Variants in KCNG1 observed in about 807,000 individuals in gnomAD.
The protein encoded by KCNG1 is voltage-gated potassium channel regulatory subunit KCNG1.
A neutral mutation model predicts 32.4 loss-of-function variants in KCNG1; 17 were observed. The ratio of observed to expected loss-of-function variants is 0.52; its 90% CI spans 0.36 to 0.79. The LOEUF is 0.79. KCNG1 is among the 30% of genes least tolerant of loss of function. The probability of loss-of-function intolerance (pLI) is 0.00; values close to 1 mark genes in which losing one functional copy is unlikely to be tolerated. For synonymous variants in KCNG1, 358 were observed against 339.9 expected (o/e 1.05, Z -0.59); for missense variants, 441 against 735.2 (o/e 0.60, Z 4.63).
rs1263703785 is a variant in KCNG1 at position 51,005,946 on chromosome 20, A to T, written c.775-1140T>A. On this transcript the variant is annotated intron_variant, in intron 2 of 2. Coordinates refer to ENST00000371571, the MANE Select transcript of KCNG1 (RefSeq NM_002237.4). The surrounding 1 kb of genome is among the most constrained non-coding windows in gnomAD (Gnocchi z 4.0). ...AAGGTCTTAGACCTCTGGGATGGGA[A>T]GCCCCTTCCTCTGGGAAGCTTTCCT... 6.6e-6 allele frequency: 1 copy of T among 152,202 alleles called. No homozygotes were observed. The highest frequency in any genetic ancestry group is 1.5e-5 in the Non-Finnish European group (1 of 68,046). 9.4% of individuals were successfully genotyped at this position (152,202 alleles called of 1,614,324 possible). A position where few individuals can be genotyped will look rare whatever the true frequency, so the allele number is the denominator to read the frequency against.
In KCNG1 at chr20:51,005,291, G is replaced by A. The variant is rs1987785988; in HGVS notation, c.775-485C>T. 6.5e-6 allele frequency: 1 copy of A among 152,862 alleles called. No homozygotes were observed. The highest frequency in any genetic ancestry group is 6.5e-5 in the Admixed American group (1 of 15,278). 9.5% of individuals were successfully genotyped at this position (152,862 alleles called of 1,614,324 possible). On this transcript the variant is annotated intron_variant, in intron 2 of 2. Coordinates refer to ENST00000371571, the MANE Select transcript of KCNG1 (RefSeq NM_002237.4). This position sits in a 1 kb window ranked among gnomAD's most constrained non-coding sequence, Gnocchi z 4.0. ...ACCCACTGCCCACTGCTCCCACCTGGTCTGGCCACCATCCTTTCTTGCCTG... is the reference window on the plus strand; with the variant it reads ...ACCCACTGCCCACTGCTCCCACCTGATCTGGCCACCATCCTTTCTTGCCTG...
intron 1 of KCNG1, chr20:51,022,647 C>A (rs1055409912): frequency 6.6e-6 from 1 of 152,236 alleles, no homozygotes; most frequent in Non-Finnish European, 1.5e-5. Context: ...CGAAGCCGGA[C>A]CCGCACCTTG....
At chr20:51,018,835 T>C (rs2123276114) in intron 1 of KCNG1, among the ~76,000 whole-genome samples, 1 of 152,312 alleles carries the variant, frequency 6.6e-6, no homozygotes, top group South Asian at 2.1e-4. Flanking sequence ...CTTTGACCCC[T>C]GCCTTTTACT....
At position 51,009,640 on chromosome 20, in the gene KCNG1, C is replaced by T; in HGVS notation, c.699G>A (p.Ser233=). The change falls in exon 2 of 3, where the codon TCG becomes TCA. Residue 233 remains serine (S), a synonymous_variant. Coordinates refer to ENST00000371571, the MANE Select transcript of KCNG1 (RefSeq NM_002237.4). ...CGGCGGTGACGGTCACGAAGAGCACCGACAGGCAGGCGAACACCTTGCCAG... is the reference window on the plus strand; with the variant it reads ...CGGCGGTGACGGTCACGAAGAGCACTGACAGGCAGGCGAACACCTTGCCAG... ...GLPGKVFACL[S]VLFVTVTAVN... is the part of the protein sequence containing the mutation. 1.2e-6 allele frequency: 2 copies of T among 1,609,952 alleles called. No individual in the cohort carries two copies. Among genetic ancestry groups the T allele is most frequent in the African/African-American group, 1.3e-5 (1 of 75,030 alleles).
Position 51,009,741 on chromosome 20 carries a change from C to T in KCNG1, c.598G>A (p.Ala200Thr). ...CGCCCCAGGCGGCCCTCGCCCTCGGCCGGGCCCTCGCTGTCGCGGCCCTCG... is the reference window on the plus strand; with the variant it reads ...CGCCCCAGGCGGCCCTCGCCCTCGGTCGGGCCCTCGCTGTCGCGGCCCTCG... The part of the protein sequence containing the change: ...DSEGRDSEGP[A>T]EGEGRLGRCM... The change falls in exon 2 of 3, where the codon GCC (alanine) becomes ACC (threonine). Residue 200 changes from alanine to threonine, a missense_variant. This residue lies in a region of KCNG1 where 52 missense variants were observed against 50.3 expected (regional missense o/e 1.03). Coordinates refer to ENST00000371571, the MANE Select transcript of KCNG1 (RefSeq NM_002237.4). The T allele has an allele frequency of 6.2e-7, 1 of 1,607,990 alleles. No homozygotes were observed. Among genetic ancestry groups the T allele is most frequent in the Non-Finnish European group, 8.5e-7 (1 of 1,179,232 alleles).
chr20:51,010,995 A>C (rs892133041), intron 1 of KCNG1, among the ~76,000 whole-genome samples: 10 of 151,908 alleles, frequency 6.6e-5, no homozygotes, highest in African/African-American at 2.4e-4. Flanking sequence ...TCAGGGAGGC[A>C]TCTAAGTGTG....
rs1247794423 is a variant in KCNG1, at chr20:51,005,164, C to T, written c.775-358G>A. 1 of 208,114 alleles carries T rather than the reference C, an allele frequency of 4.8e-6. No individual in the cohort carries two copies. 12.9% of individuals were successfully genotyped at this position (208,114 alleles called of 1,614,324 possible). ...GTTTCCCTCCCTAGCTTTAGGCAAT[C>T]CCATCTTTCCAATGGCTTAGGACAG... On this transcript the variant is annotated intron_variant, in intron 2 of 2. Coordinates refer to ENST00000371571, the MANE Select transcript of KCNG1 (RefSeq NM_002237.4). This position sits in a 1 kb window ranked among gnomAD's most constrained non-coding sequence, Gnocchi z 4.0.
intron 1 of KCNG1, among the ~76,000 whole-genome samples, chr20:51,011,373 C>T (rs944399507): frequency 6.6e-6 from 1 of 150,798 alleles, no homozygotes; most frequent in African/African-American, 2.5e-5. Flanking sequence ...CTTGGAAAAA[C>T]AATTTAGTGT....
intron 2 of KCNG1, chr20:51,006,364 A>G (rs1443278819): frequency 1.3e-5 from 2 of 152,236 alleles, no homozygotes; most frequent in Admixed American, 1.3e-4. Flanking sequence ...TCACGATCAA[A>G]GATGTTGAAG....
chr20:51,004,227 T>G lies in KCNG1; in HGVS notation c.1354A>C (p.Met452Leu). The G allele has an allele frequency of 1.2e-6, 2 of 1,614,086 alleles. No homozygotes were observed. Among genetic ancestry groups the G allele is most frequent in the Non-Finnish European group, 1.7e-6 (2 of 1,180,000 alleles). ...AAGATGGAGGTGACTGGGAAGGCCA[T>G]GAGCAGGATGCCGCTCAGGATGCTG... is the stretch of plus-strand genomic sequence containing the variant. The part of the protein sequence containing the change: ...LSSILSGILL[M>L]AFPVTSIFHT... Residue 452 changes from methionine to leucine, a missense_variant, in exon 3 of 3, where the codon ATG (methionine) becomes CTG (leucine). Transcript: ENST00000371571. This position sits in a 1 kb window ranked among gnomAD's most constrained non-coding sequence, Gnocchi z 4.3.
At chr20:51,012,741 T>C (rs1042708239) in intron 1 of KCNG1, among the ~76,000 whole-genome samples, 17 of 152,238 alleles carry the variant, frequency 1.1e-4, no homozygotes, top group Admixed American at 2.6e-4. Context: ...CCTTGGCTTC[T>C]TTTAAAAAAT....
chr20:51,007,852 T>G (rs1377367899), intron 2 of KCNG1: 1 of 152,018 alleles, frequency 6.6e-6, no homozygotes, highest in Non-Finnish European at 1.5e-5. Context: ...CTTTTAAAAA[T>G]AAATAAATAA....
intron 2 of KCNG1, among the ~76,000 whole-genome samples, chr20:51,008,418 C>G (rs539835821): frequency 1.3e-5 from 2 of 152,298 alleles, no homozygotes; most frequent in South Asian, 4.1e-4. Flanking sequence ...GCAGCCTTAC[C>G]TCCCAGGCTC....
At chr20:51,019,366 C>T (rs1988388885) in intron 1 of KCNG1, among the ~76,000 whole-genome samples, 1 of 152,062 alleles carries the variant, frequency 6.6e-6, no homozygotes, top group Non-Finnish European at 1.5e-5. Context: ...AAATAATCAG[C>T]TGAGCATGGT....
rs1263140389 is a variant in KCNG1, at chr20:51,004,257, G to A, written c.1324C>T (p.Leu442=). 3 of 1,613,920 alleles carry A rather than the reference G, an allele frequency of 1.9e-6. No homozygotes were observed. The highest frequency in any genetic ancestry group is 1.7e-5 in the Admixed American group (1 of 60,018). ...PRSTPGQVVA[L]SSILSGILLM... ...AGGATGCCGCTCAGGATGCTGCTCA[G>A]GGCCACTACCTGGCCCGGGGTGCTC... Residue 442 remains leucine (L), a synonymous_variant, in exon 3 of 3, where the codon CTG becomes TTG. Transcript: ENST00000371571. The surrounding 1 kb of genome is among the most constrained non-coding windows in gnomAD (Gnocchi z 4.3).
At position 51,009,693 on chromosome 20, in the gene KCNG1, T is replaced by A; in HGVS notation, c.646A>T (p.Met216Leu). ...LGRCMRRLRDMVERPHSGLPG... is the reference protein window; with the variant it reads ...LGRCMRRLRDLVERPHSGLPG... ...AGCCCCGAGTGCGGCCTCTCCACCA[T>A]GTCGCGCAGTCGCCGCATGCAGCGC... The change falls in exon 2 of 3, where the codon ATG (methionine) becomes TTG (leucine). Residue 216 changes from methionine (M) to leucine (L), a missense_variant. Physicochemically the swap from Met to Leu is conservative, Grantham distance 15 (BLOSUM62 2). This residue lies in a region of KCNG1 where 169 missense variants were observed against 297.7 expected (regional missense o/e 0.57). Transcript: ENST00000371571. 6.2e-7 allele frequency: 1 copy of A among 1,604,556 alleles called. No individual in the cohort carries two copies. Among genetic ancestry groups the A allele is most frequent in the Non-Finnish European group, 8.5e-7 (1 of 1,178,562 alleles).
intron 1 of KCNG1, among the ~76,000 whole-genome samples, chr20:51,017,109 A>C (rs1988307704): frequency 6.6e-6 from 1 of 152,190 alleles, no homozygotes; most frequent in African/African-American, 2.4e-5. Flanking sequence ...GTAACAAACA[A>C]GGTACAAAAA....
At chr20:51,012,563 C>T (rs369299327) in intron 1 of KCNG1, 5 of 152,332 alleles carry the variant, frequency 3.3e-5, no homozygotes, top group East Asian at 1.9e-4. Context: ...GTCAAAATAT[C>T]AACTTGCATG....
In KCNG1 at chr20:51,003,691, T is replaced by A; in HGVS notation, c.*348A>T. On this transcript the variant is annotated 3_prime_UTR_variant, in exon 3 of 3. Coordinates refer to ENST00000371571, the MANE Select transcript of KCNG1 (RefSeq NM_002237.4). ...GCTGTTTGTATTTTTTTTTTTTTTC[T>A]CCAGGCAGACCCATAAAGCAAGTTT... 1.2e-5 allele frequency: 2 copies of A among 166,596 alleles called. No individual in the cohort carries two copies. The highest frequency in any genetic ancestry group is 2.5e-5 in the Non-Finnish European group (2 of 81,214). 10.3% of individuals were successfully genotyped at this position (166,596 alleles called of 1,614,324 possible).
Sources: gnomAD v4.1 joint callset for allele counts (sites outside exome capture counted in the v4.1 genomes callset) on GRCh38, gnomAD v4.1.1 for gene constraint, gnomAD v4.1.1 regional missense constraint, Gnocchi (gnomAD v3.1) non-coding constraint, MANE v1.5 for transcripts, NCBI Gene and HGNC (gene_info 2026-07-23, HGNC 2026-07-21) for gene names.